The following TGM1 variants were observed in gnomAD, a reference collection of about 807,000 sequenced individuals.
The protein encoded by TGM1 is transglutaminase 1.
TGM1 carries 63 observed loss-of-function variants against 88.7 expected under a neutral mutation model. That is an observed-to-expected ratio of 0.71 (90% CI 0.58 to 0.88). The LOEUF (loss-of-function observed/expected upper bound fraction) is 0.88. TGM1 is among the 40% of genes least tolerant of loss of function. TGM1 has a pLI of 0.00. For missense variants in TGM1, 996 were observed against 1,118.0 expected (o/e 0.89, Z 1.56); for synonymous variants, 415 against 431.1 (o/e 0.96, Z 0.46).
chr14:24,250,179 T>TGTGTGTGTGTGTGTGTGTGAGAGA lies in TGM1; in HGVS notation c.2226-639_2226-638insTCTCTCACACACACACACACACAC, dbSNP rs138497842. ...GTGTGTGTGTGTGTGTGTGTGTGTG[T>TGTGTGTGTGTGTGTGTGTGAGAGA]GAGAGAGACAGAGAGGTGGGTGGAC... is the stretch of plus-strand genomic sequence containing the variant. On this transcript the variant is annotated intron_variant, in intron 14 of 14. Coordinates refer to ENST00000206765, the MANE Select transcript of TGM1 (RefSeq NM_000359.3). 1.2e-4 allele frequency among the ~76,000 whole-genome samples: 17 copies of TGTGTGTGTGTGTGTGTGTGAGAGA among 140,700 alleles called. 1 individual carries two copies. The highest frequency in any genetic ancestry group is 3.5e-4 in the African/African-American group (13 of 37,048). 92.3% of individuals were successfully genotyped at this position (140,700 alleles called of 152,430 possible). A position where few individuals can be genotyped will look rare whatever the true frequency, so the allele number is the denominator to read the frequency against.
At position 24,255,895 on chromosome 14, in the gene TGM1, G is replaced by T; in HGVS notation, c.1491+94C>A. On this transcript the variant is annotated intron_variant, in intron 10 of 14. Coordinates refer to ENST00000206765, the MANE Select transcript of TGM1 (RefSeq NM_000359.3). This position sits in a 1 kb window ranked among gnomAD's most constrained non-coding sequence, Gnocchi z 4.0. Reference sequence around the variant, plus strand: ...AACTGACTTGTATAATGAGTGACTTGCCCCGGGTCGCAGAGCTGGTCAGTC... The same window carrying T: ...AACTGACTTGTATAATGAGTGACTTTCCCCGGGTCGCAGAGCTGGTCAGTC... 1.9e-6 allele frequency: 2 copies of T among 1,061,512 alleles called. No individual in the cohort carries two copies. The highest frequency in any genetic ancestry group is 2.9e-6 in the Non-Finnish European group (2 of 701,334). The allele number at this position is 1,061,512 out of a possible 1,614,324, so 65.8% of individuals were successfully genotyped here.
intron 14 of TGM1, among the ~76,000 whole-genome samples, chr14:24,251,021 C>G (rs1339100092): frequency 1.3e-5 from 2 of 152,190 alleles, no homozygotes; most frequent in African/African-American, 2.4e-5. Context: ...CCCTGGACCA[C>G]TCTACTCCCT....
chr14:24,257,493 C>G (rs930962146), intron 9 of TGM1, among the ~76,000 whole-genome samples: 1 of 152,202 alleles, frequency 6.6e-6, no homozygotes, highest in African/African-American at 2.4e-5. Flanking sequence ...TTGAACCTAT[C>G]TGAGCCCTGA....
chr14:24,260,890 G>A (rs910483002), intron 3 of TGM1, among the ~76,000 whole-genome samples, 192 bp from the exon 4 acceptor site: 1 of 152,190 alleles, frequency 6.6e-6, no homozygotes, highest in African/African-American at 2.4e-5. Context: ...CCACATGTTA[G>A]GGCAGTGCCG....
At position 24,260,070 on chromosome 14, in the gene TGM1, G is replaced by C; in HGVS notation, c.758-12C>G. ...GTACACAATGTCCTCTGTGTCCCCA[G>C]AACACACAAAACTGGTTCCCTCCAG... On this transcript the variant is annotated splice_polypyrimidine_tract_variant and intron_variant, in intron 4 of 14. Coordinates refer to ENST00000206765, the MANE Select transcript of TGM1 (RefSeq NM_000359.3). 6.2e-7 allele frequency: 1 copy of C among 1,611,370 alleles called. No homozygotes were observed. Among genetic ancestry groups the C allele is most frequent in the Non-Finnish European group, 8.5e-7 (1 of 1,177,524 alleles).
chr14:24,257,591 G>C (rs1398433247), intron 9 of TGM1, among the ~76,000 whole-genome samples: 1 of 152,214 alleles, frequency 6.6e-6, no homozygotes, highest in East Asian at 1.9e-4. Flanking sequence ...GTGCTTAAAA[G>C]GACTGGACTT....
chr14:24,253,952 C>T (rs1446753018), intron 14 of TGM1, among the ~76,000 whole-genome samples, 200 bp downstream of exon 14: 1 of 152,180 alleles, frequency 6.6e-6, no homozygotes, highest in African/African-American at 2.4e-5. Context: ...CATGGCATAG[C>T]ACCAGGTGCC....
chr14:24,262,396 C>T, intron 1 of TGM1, 42 bp from the exon 2 acceptor site: 1 of 1,603,166 alleles, frequency 6.2e-7, no homozygotes, highest in Non-Finnish European at 8.5e-7. Flanking sequence ...CCAGGTAGTC[C>T]CAGCCAGTTG....
intron 9 of TGM1, 108 bp downstream of exon 9, chr14:24,258,177 T>C (rs2040772275): frequency 2.3e-6 from 2 of 852,500 alleles, no homozygotes; most frequent in South Asian, 1.6e-5. Flanking sequence ...AGCCGCGGGG[T>C]TACATGGCTT....
intron 14 of TGM1, among the ~76,000 whole-genome samples, chr14:24,250,126 A>G (rs2040688554): frequency 6.6e-6 from 1 of 150,906 alleles, no homozygotes; most frequent in African/African-American, 2.4e-5. Flanking sequence ...ACATCTTTAA[A>G]TGGACATAAA....
chr14:24,259,081 T>C lies in TGM1; in HGVS notation c.1153A>G (p.Thr385Ala), dbSNP rs1421177033. Residue 385 changes from threonine to alanine, a missense_variant, in exon 7 of 15, where the codon ACC becomes GCC. Transcript: ENST00000206765. The surrounding 1 kb of genome is among the most constrained non-coding windows in gnomAD (Gnocchi z 5.7). ...GTCCCAGTCCCTCCACTACCTGTGGTGGTCACGCCAGCAAAGACCCAGCAC... is the reference window on the plus strand; with the variant it reads ...GTCCCAGTCCCTCCACTACCTGTGGCGGTCACGCCAGCAAAGACCCAGCAC... ...GQCWVFAGVT[T>A]TVLRCLGLAT... The C allele has an allele frequency of 6.2e-7, 1 of 1,613,812 alleles. No homozygotes were observed. Among genetic ancestry groups the C allele is most frequent in the East Asian group, 2.2e-5 (1 of 44,878 alleles).
chr14:24,260,639 T>A lies in TGM1; in HGVS notation c.568A>T (p.Ser190Cys). ...ACCACCTGGGCTTTCCAGCCTCCAC[T>A]GCCCCCCTTGCCCACTGGGATGATC... ...HVIIPVGKGG[S>C]GGWKAQVVKA... The change falls in exon 4 of 15, where the codon AGT (serine) becomes TGT (cysteine). Residue 190 changes from serine (S) to cysteine (C), a missense_variant. By Grantham distance (112) the Ser-to-Cys change is moderately radical. Coordinates refer to ENST00000206765, the MANE Select transcript of TGM1 (RefSeq NM_000359.3). The A allele has an allele frequency of 6.2e-7, 1 of 1,614,182 alleles. No individual in the cohort carries two copies. The highest frequency in any genetic ancestry group is 8.5e-7 in the Non-Finnish European group (1 of 1,180,026).
chr14:24,258,353 C>G lies in TGM1; in HGVS notation c.1334G>C (p.Arg445Thr). 6.2e-7 allele frequency: 1 copy of G among 1,614,118 alleles called. No homozygotes were observed. Among genetic ancestry groups the G allele is most frequent in the African/African-American group, 1.3e-5 (1 of 75,034 alleles). The change falls in exon 9 of 15, where the codon AGG becomes ACG. Residue 445 changes from arginine (R) to threonine (T), a missense_variant. Physicochemically the swap from Arg to Thr is moderately conservative, Grantham distance 71. Transcript: ENST00000206765. ...ATCAAAGCCCGAGGGCAGATCCGGC[C>G]TCTTCATCCAGCAGTCGTTCCACAC... ...FHVWNDCWMK[R>T]PDLPSGFDGW...
intron 1 of TGM1, 26 bp downstream of exon 1, chr14:24,263,063 C>T (rs1471776409): frequency 6.4e-6 from 1 of 155,212 alleles, no homozygotes; most frequent in Non-Finnish European, 1.4e-5. Context: ...GGACTCGGCA[C>T]CACAGTACCC....
chr14:24,259,031 T>A lies in TGM1; in HGVS notation c.1159+44A>T. ...GGGTAAGCCTGGCTTTCCTCCCTTCTCCCTGTAGGGCCCGGGCCACTCCTG... is the reference window on the plus strand; with the variant it reads ...GGGTAAGCCTGGCTTTCCTCCCTTCACCCTGTAGGGCCCGGGCCACTCCTG... On this transcript the variant is annotated intron_variant, in intron 7 of 14. Coordinates refer to ENST00000206765, the MANE Select transcript of TGM1 (RefSeq NM_000359.3). The surrounding 1 kb of genome is among the most constrained non-coding windows in gnomAD (Gnocchi z 5.7). The A allele has an allele frequency of 6.2e-7, 1 of 1,610,518 alleles. No homozygotes were observed. The highest frequency in any genetic ancestry group is 8.5e-7 in the Non-Finnish European group (1 of 1,178,440).
In TGM1 at chr14:24,261,843, C is replaced by T. The variant is rs41295444; in HGVS notation, c.360G>A (p.Ser120=). Residue 120 remains serine (S), a synonymous_variant, in exon 3 of 15, where the codon TCG becomes TCA. Transcript: ENST00000206765. The part of the protein sequence containing the change: ...LVVNGVDLLS[S]RSDQNRREHH... ...GCTCTCGGCGGTTCTGGTCCGAGCG[C>T]GAGCTCAGCAAGTCCACACCGTTCA... 2.2e-5 allele frequency: 35 copies of T among 1,613,896 alleles called. No individual in the cohort carries two copies. The highest frequency in any genetic ancestry group is 6.7e-5 in the African/African-American group (5 of 74,998).
chr14:24,258,470 A>AGC, intron 8 of TGM1, 65 bp downstream of exon 8: 1 of 953,856 alleles, frequency 1.0e-6, no homozygotes, highest in Non-Finnish European at 1.6e-6. Context: ...AGCCCTGCCC[A>AGC]CCCTCCACCT....
chr14:24,258,890 CTCCCTCCTTTCCCTTA>C (rs911235238), intron 7 of TGM1, among the ~76,000 whole-genome samples, 169 bp downstream of exon 7: 1 of 152,202 alleles, frequency 6.6e-6, no homozygotes, highest in Non-Finnish European at 1.5e-5. Flanking sequence ...CCTGTCCCTT[CTCCCTCCTTTCCCTTA>C]GGCCTCTCTC....
rs776701915 is a variant in TGM1, at chr14:24,258,349, C to T, written c.1338G>A (p.Pro446=). The change falls in exon 9 of 15, where the codon CCG becomes CCA. Residue 446 remains proline (P), a synonymous_variant. Transcript: ENST00000206765. ...HVWNDCWMKR[P]DLPSGFDGWQ... ...ACCCATCAAAGCCCGAGGGCAGATC[C>T]GGCCTCTTCATCCAGCAGTCGTTCC... The T allele has an allele frequency of 5.0e-6, 8 of 1,614,092 alleles. No homozygotes were observed. The highest frequency in any genetic ancestry group is 2.2e-5 in the East Asian group (1 of 44,874).
Sources: allele counts gnomAD v4.1 joint callset (sites outside exome capture counted in the v4.1 genomes callset), GRCh38; gene constraint gnomAD v4.1.1; non-coding constraint Gnocchi (gnomAD v3.1); transcripts MANE v1.5; gene names NCBI Gene and HGNC (gene_info 2026-07-23, HGNC 2026-07-21).